Variants in DISC1 observed in about 807,000 individuals in gnomAD.
DISC1 encodes the protein disrupted in schizophrenia 1 protein.
A neutral mutation model predicts 84.5 loss-of-function variants in DISC1; 57 were observed. The observed-to-expected ratio is 0.67, with a 90% CI of 0.55 to 0.84. The LOEUF is 0.84. Ranked by LOEUF, DISC1 falls within the 40% of genes least tolerant of loss-of-function variation. The pLI is 0.00. For missense variants in DISC1, 1,000 were observed against 1,057.8 expected (o/e 0.95, Z 0.76); for synonymous variants, 411 against 415.2 (o/e 0.99, Z 0.12).
At chr1:231,702,273 C>T in intron 3 of DISC1, 1 of 1,182,124 alleles carries the variant, frequency 8.5e-7, no homozygotes, top group Non-Finnish European at 1.0e-6. Flanking sequence ...CATACTCACA[C>T]AATAAAAATT....
At chr1:231,772,846 C>T (rs2125468914) in intron 6 of DISC1, among the ~76,000 whole-genome samples, 1 of 152,306 alleles carries the variant, frequency 6.6e-6, no homozygotes, top group Admixed American at 6.5e-5. Flanking sequence ...CCTCCCATTC[C>T]CCTTCTATCC....
intron 1 of DISC1, among the ~76,000 whole-genome samples, chr1:231,640,913 T>G (rs1028507268): frequency 1.3e-5 from 2 of 152,170 alleles, no homozygotes; most frequent in Non-Finnish European, 2.9e-5. Flanking sequence ...CTGACTAGTA[T>G]AGACTCTCCC....
chr1:231,855,991 A>G (rs2084243083), intron 9 of DISC1, among the ~76,000 whole-genome samples: 1 of 152,228 alleles, frequency 6.6e-6, no homozygotes, highest in Admixed American at 6.5e-5. Flanking sequence ...TCTCTGGGTG[A>G]CTATCTGGCG....
intron 1 of DISC1, among the ~76,000 whole-genome samples, chr1:231,685,360 A>C (rs2064140937): frequency 6.6e-6 from 1 of 152,168 alleles, no homozygotes; most frequent in Non-Finnish European, 1.5e-5. Context: ...CGAGACTTGG[A>C]AGAAAAAGAG....
intron 4 of DISC1, among the ~76,000 whole-genome samples, chr1:231,766,607 G>A (rs1180471109): frequency 6.6e-6 from 1 of 152,166 alleles, no homozygotes; most frequent in African/African-American, 2.4e-5. Context: ...AAGGGAACTG[G>A]TGAATTTCAG....
intron 3 of DISC1, among the ~76,000 whole-genome samples, chr1:231,738,632 G>A (rs2072837864): frequency 6.6e-6 from 1 of 152,120 alleles, no homozygotes; most frequent in African/African-American, 2.4e-5. Flanking sequence ...GTGGCTGCCT[G>A]GTTTCTCCAG....
intron 3 of DISC1, among the ~76,000 whole-genome samples, chr1:231,747,856 C>T (rs1349158952): frequency 6.6e-6 from 1 of 152,054 alleles, no homozygotes; most frequent in African/African-American, 2.4e-5. Flanking sequence ...TTAATTCTTA[C>T]AATCCATCAG....
intron 4 of DISC1, among the ~76,000 whole-genome samples, chr1:231,757,758 C>G (rs1274848475): frequency 6.6e-6 from 1 of 152,210 alleles, no homozygotes; most frequent in Non-Finnish European, 1.5e-5. Context: ...AATAGACCCT[C>G]TCTGCCCTGC....
intron 9 of DISC1, among the ~76,000 whole-genome samples, chr1:231,893,663 G>A (rs1427421248): frequency 6.6e-6 from 1 of 152,118 alleles, no homozygotes; most frequent in African/African-American, 2.4e-5. Context: ...ATGGTAGACT[G>A]GAGGAAGGAA....
intron 3 of DISC1, among the ~76,000 whole-genome samples, chr1:231,721,698 G>A (rs977918181): frequency 6.6e-6 from 1 of 152,110 alleles, no homozygotes; most frequent in African/African-American, 2.4e-5. Context: ...CCTCAGAGAT[G>A]CCTTAGGGAA....
chr1:231,910,993 G>C (rs1465116192), intron 9 of DISC1, among the ~76,000 whole-genome samples: 1 of 152,064 alleles, frequency 6.6e-6, no homozygotes, highest in African/African-American at 2.4e-5. Flanking sequence ...GACTAGGATT[G>C]CAACCCCTGC....
chr1:231,878,399 A>G (rs2086045408), intron 9 of DISC1, among the ~76,000 whole-genome samples: 1 of 152,166 alleles, frequency 6.6e-6, no homozygotes, highest in South Asian at 2.1e-4. Context: ...AAAGAGCACC[A>G]GACCCTCTGA....
chr1:232,011,729 T>G (rs1184788992), intron 11 of DISC1, among the ~76,000 whole-genome samples: 4 of 152,190 alleles, frequency 2.6e-5, no homozygotes, highest in African/African-American at 9.7e-5. Flanking sequence ...ATCCATAATT[T>G]TACATCAGAA....
intron 6 of DISC1, among the ~76,000 whole-genome samples, chr1:231,776,631 G>A (rs1351233068): frequency 6.6e-6 from 1 of 152,204 alleles, no homozygotes; most frequent in South Asian, 2.1e-4. Context: ...TATGCAGGGT[G>A]CTGCAGGCAT....
Position 231,626,910 on chromosome 1 carries a change from G to A in DISC1, c.43G>A (p.Gly15Ser). Residue 15 changes from glycine to serine, a missense_variant, in exon 1 of 13, where the codon GGC (glycine) becomes AGC (serine). Coordinates refer to ENST00000439617, the MANE Select transcript of DISC1 (RefSeq NM_018662.3). The part of the protein sequence containing the change: ...GPQGAPAAAG[G>S]GGVSHRAGSR... Reference sequence around the variant, plus strand: ...TCAGGGCGCCCCAGCCGCCGCCGGCGGCGGCGGCGTGAGCCACCGCGCAGG... The same window carrying A: ...TCAGGGCGCCCCAGCCGCCGCCGGCAGCGGCGGCGTGAGCCACCGCGCAGG... The A allele has an allele frequency of 6.7e-7, 1 of 1,500,618 alleles. No homozygotes were observed. Among genetic ancestry groups the A allele is most frequent in the Non-Finnish European group, 8.8e-7 (1 of 1,133,212 alleles). 93.0% of individuals were successfully genotyped at this position (1,500,618 alleles called of 1,614,324 possible). A position where few individuals can be genotyped will look rare whatever the true frequency, so the allele number is the denominator to read the frequency against.
At chr1:231,936,620 C>G (rs994735720) in intron 9 of DISC1, among the ~76,000 whole-genome samples, 1 of 152,150 alleles carries the variant, frequency 6.6e-6, no homozygotes, top group African/African-American at 2.4e-5. Flanking sequence ...GGTTTACATA[C>G]AGGATGACAA....
chr1:231,697,648 C>G (rs1012730921), intron 2 of DISC1, among the ~76,000 whole-genome samples: 1 of 143,984 alleles, frequency 6.9e-6, no homozygotes, highest in African/African-American at 2.6e-5. Context: ...GAGGGTCTTG[C>G]CACGTTGCCC....
chr1:231,951,186 C>T (rs755500078), intron 9 of DISC1, among the ~76,000 whole-genome samples: 5 of 152,202 alleles, frequency 3.3e-5, no homozygotes, highest in Admixed American at 6.5e-5. Flanking sequence ...CATTCTCACT[C>T]GCGTTACTCA....
At chr1:231,827,014 A>G (rs2081902777) in intron 9 of DISC1, among the ~76,000 whole-genome samples, 1 of 151,966 alleles carries the variant, frequency 6.6e-6, no homozygotes, top group Admixed American at 6.6e-5. Context: ...TTTGAGACAG[A>G]GTCTCAGTCT....
Sources: gnomAD v4.1 joint callset for allele counts (sites outside exome capture counted in the v4.1 genomes callset) on GRCh38, gnomAD v4.1.1 for gene constraint, MANE v1.5 for transcripts, NCBI Gene and HGNC (gene_info 2026-07-23, HGNC 2026-07-21) for gene names.